The following TAX1BP1 variants were observed in gnomAD, a reference collection of about 807,000 sequenced individuals.
TAX1BP1 encodes Tax1 binding protein 1.
A neutral mutation model predicts 97.7 loss-of-function variants in TAX1BP1; 62 were observed. The ratio of observed to expected loss-of-function variants is 0.63; its 90% confidence interval spans 0.52 to 0.78. The LOEUF (loss-of-function observed/expected upper bound fraction) is 0.78, where lower values mean the gene tolerates loss of function less well. Ranked by LOEUF, TAX1BP1 falls within the 30% of genes least tolerant of loss-of-function variation. TAX1BP1 has a pLI of 0.00. For synonymous variants in TAX1BP1, 340 were observed against 304.2 expected (o/e 1.12, Z -1.23); for missense variants, 867 against 916.1 (o/e 0.95, Z 0.69).
chr7:27,747,139 C>G (rs1279521308), intron 1 of TAX1BP1, among the ~76,000 whole-genome samples: 1 of 152,154 alleles, frequency 6.6e-6, no homozygotes, highest in Admixed American at 6.5e-5. Context: ...CCCATTATTA[C>G]AGAGATGCCT....
rs1003369041 is a variant in TAX1BP1, at chr7:27,752,922, TAAC to T, written c.162+4241_162+4243del. Among the ~76,000 whole-genome samples, 7 of 152,218 alleles carry T rather than the reference TAAC, an allele frequency of 4.6e-5. No homozygotes were observed. In the East Asian group the frequency reaches 7.7e-4, roughly 17 times the overall value. Reference sequence around the variant, plus strand: ...AGTGAGAGATCTGATTATTCAAAATTAACAACAGAGTTGCTAATAAGTTCAGCA... The same window carrying T: ...AGTGAGAGATCTGATTATTCAAAATTAACAGAGTTGCTAATAAGTTCAGCA... On this transcript the variant is annotated intron_variant, in intron 2 of 16. Coordinates refer to ENST00000396319, the MANE Select transcript of TAX1BP1 (RefSeq NM_006024.7).
intron 13 of TAX1BP1, among the ~76,000 whole-genome samples, chr7:27,806,994 A>G (rs1583397257): frequency 6.6e-6 from 1 of 152,072 alleles, no homozygotes; most frequent in East Asian, 1.9e-4. Context: ...ATTCCTAAGT[A>G]TTTTTGTTTT....
chr7:27,770,385 A>G (rs1354950777), intron 5 of TAX1BP1, among the ~76,000 whole-genome samples: 3 of 152,124 alleles, frequency 2.0e-5, no homozygotes, highest in African/African-American at 7.2e-5. Context: ...AGTGATAGAA[A>G]TAGACTTGTA....
intron 3 of TAX1BP1, among the ~76,000 whole-genome samples, chr7:27,762,970 A>G (rs549878081): frequency 6.6e-6 from 1 of 152,282 alleles, no homozygotes; most frequent in African/African-American, 2.4e-5. Context: ...CATGGGCACT[A>G]AGCCTAAATG....
At chr7:27,786,198 C>A (rs1263071890) in intron 7 of TAX1BP1, among the ~76,000 whole-genome samples, 1 of 149,064 alleles carries the variant, frequency 6.7e-6, no homozygotes, top group Non-Finnish European at 1.5e-5. Flanking sequence ...GTGGTGCGAT[C>A]TCGGCCCACT....
At chr7:27,758,776 G>A (rs542595097) in intron 3 of TAX1BP1, among the ~76,000 whole-genome samples, 3 of 152,136 alleles carry the variant, frequency 2.0e-5, no homozygotes, top group Non-Finnish European at 4.4e-5. Flanking sequence ...AAAGTAGAAT[G>A]GTGGTCTGCA....
chr7:27,801,988 A>G (rs750016890), intron 13 of TAX1BP1, among the ~76,000 whole-genome samples: 1 of 152,210 alleles, frequency 6.6e-6, no homozygotes, highest in Non-Finnish European at 1.5e-5. Context: ...GGGGAGGAGA[A>G]GCAGAGCTAG....
chr7:27,787,192 G>C (rs1397361090), intron 7 of TAX1BP1, among the ~76,000 whole-genome samples: 1 of 152,070 alleles, frequency 6.6e-6, no homozygotes, highest in Non-Finnish European at 1.5e-5. Flanking sequence ...ATGTTGTTAG[G>C]GCTTAGAATA....
Position 27,756,340 on chromosome 7 carries a change from C to G in TAX1BP1, c.163-1691C>G, listed in dbSNP as rs553265261. On this transcript the variant is annotated intron_variant, in intron 2 of 16. Coordinates refer to ENST00000396319, the MANE Select transcript of TAX1BP1 (RefSeq NM_006024.7). The stretch of plus-strand genomic sequence containing the variant: ...TGCCCCTCTCTAAGTAACTTAAGAA[C>G]TATTGTTTAGTTTTAGTTTTCCTTA... Among the ~76,000 whole-genome samples, 4 of 152,200 alleles carry G rather than the reference C, an allele frequency of 2.6e-5. No individual in the cohort carries two copies. The South Asian group carries it at 8.3e-4, about 32-fold the overall frequency.
intron 3 of TAX1BP1, among the ~76,000 whole-genome samples, chr7:27,763,767 C>CAAAAAAAAA (rs575118347): frequency 8.4e-6 from 1 of 118,778 alleles, no homozygotes; most frequent in Non-Finnish European, 1.8e-5. Context: ...GACTCTGTCT[C>CAAAAAAAAA]AAAAAAAAAA....
At chr7:27,766,982 T>C (rs1480171451) in intron 4 of TAX1BP1, among the ~76,000 whole-genome samples, 1 of 152,168 alleles carries the variant, frequency 6.6e-6, no homozygotes, top group African/African-American at 2.4e-5. Flanking sequence ...AAATAGAATA[T>C]TGTGGAGTCA....
intron 13 of TAX1BP1, among the ~76,000 whole-genome samples, chr7:27,806,791 G>T (rs1790358955): frequency 6.6e-6 from 1 of 152,118 alleles, no homozygotes; most frequent in South Asian, 2.1e-4. Context: ...CTCTAGAAAT[G>T]ATTGTTGGTG....
intron 5 of TAX1BP1, among the ~76,000 whole-genome samples, chr7:27,773,503 C>G (rs1308157371): frequency 3.3e-5 from 5 of 151,976 alleles, no homozygotes; most frequent in Non-Finnish European, 7.4e-5. Context: ...ATTTCTGTAT[C>G]TATGGATTTG....
In TAX1BP1 at chr7:27,769,635, T is replaced by G. The variant is rs762760646; in HGVS notation, c.454-41T>G. 4.7e-6 allele frequency: 7 copies of G among 1,504,372 alleles called. No homozygotes were observed. The East Asian group carries it at 1.2e-4, about 25-fold the overall frequency. The allele number at this position is 1,504,372 out of a possible 1,614,324, so 93.2% of individuals were successfully genotyped here. On this transcript the variant is annotated intron_variant, in intron 4 of 16. Coordinates refer to ENST00000396319, the MANE Select transcript of TAX1BP1 (RefSeq NM_006024.7). ...AAATTTGTAATAACATATTTTAGGA[T>G]TAAGCAAAAAACTAATTAATCTGAG...
At chr7:27,799,910 A>G in intron 12 of TAX1BP1, 55 bp from the exon 13 acceptor site, 1 of 1,449,776 alleles carries the variant, frequency 6.9e-7, no homozygotes, top group Non-Finnish European at 9.4e-7. Context: ...ATTAGTATAG[A>G]TTTTCACTCT....
chr7:27,825,087 G>A (rs1791124203), intron 15 of TAX1BP1, among the ~76,000 whole-genome samples: 1 of 152,030 alleles, frequency 6.6e-6, no homozygotes, highest in Non-Finnish European at 1.5e-5. Flanking sequence ...ATATAACCTT[G>A]ATGATTAAGG....
chr7:27,740,625 G>C (rs1407988104), intron 1 of TAX1BP1, among the ~76,000 whole-genome samples: 1 of 152,172 alleles, frequency 6.6e-6, no homozygotes, highest in East Asian at 1.9e-4. Context: ...CGAAGGAAAA[G>C]CTTCTGGTGT....
At chr7:27,794,267 G>T in intron 10 of TAX1BP1, 56 bp from the exon 11 acceptor site, 1 of 1,424,714 alleles carries the variant, frequency 7.0e-7, no homozygotes, top group South Asian at 1.4e-5. Context: ...TTACTGCAAG[G>T]AGGAAATATA....
chr7:27,743,616 A>G (rs1787700926), intron 1 of TAX1BP1, among the ~76,000 whole-genome samples: 1 of 152,228 alleles, frequency 6.6e-6, no homozygotes, highest in South Asian at 2.1e-4. Context: ...GAAATTTTCA[A>G]ACATACACAA....
Sources: gnomAD v4.1 joint callset for allele counts (sites outside exome capture counted in the v4.1 genomes callset) on GRCh38, gnomAD v4.1.1 for gene constraint, MANE v1.5 for transcripts, NCBI Gene and HGNC (gene_info 2026-07-23, HGNC 2026-07-21) for gene names.